The following SLC36A4 variants were observed in gnomAD, a reference collection of about 807,000 sequenced individuals.
SLC36A4 encodes the protein solute carrier family 36 member 4, also known as neutral amino acid uniporter 4.
Under a neutral mutation model 50.5 loss-of-function variants are expected in SLC36A4, and 49 were observed. The observed-to-expected ratio is 0.97, with a 90% CI of 0.77 to 1.23. The LOEUF is 1.23. SLC36A4 is among the 50% of genes most tolerant of loss of function. The probability of loss-of-function intolerance (pLI) is 0.00; values close to 1 mark genes in which losing one functional copy is unlikely to be tolerated. For missense variants in SLC36A4, 611 were observed against 608.4 expected (o/e 1.00, Z -0.05); for synonymous variants, 207 against 206.5 (o/e 1.00, Z -0.02).
chr11:93,180,962 T>C, intron 5 of SLC36A4, 81 bp from the exon 6 acceptor site: 1 of 993,212 alleles, frequency 1.0e-6, no homozygotes, highest in Non-Finnish European at 1.6e-6. Flanking sequence ...TCAAGAGTTT[T>C]AAAACATTTT....
intron 6 of SLC36A4, among the ~76,000 whole-genome samples, chr11:93,175,336 C>A (rs1482427648): frequency 4.0e-5 from 6 of 150,030 alleles, no homozygotes; most frequent in African/African-American, 7.3e-5. Context: ...ATTCTTCTCT[C>A]TTTTTTTCTT....
intron 3 of SLC36A4, among the ~76,000 whole-genome samples, chr11:93,183,105 A>T (rs7925273): frequency 0.94 from 143,494 of 152,280 alleles, 68,164 homozygotes; most frequent in East Asian, 1. Flanking sequence ...TCTTATTAAC[A>T]TAGCTACTCA....
In SLC36A4 at chr11:93,148,706, A is replaced by G; in HGVS notation, c.1346T>C (p.Met449Thr). The change falls in exon 11 of 11, where the codon ATG (methionine) becomes ACG (threonine). Residue 449 changes from methionine to threonine, a missense_variant. Met to Thr is a moderately conservative substitution (Grantham distance 81). Coordinates refer to ENST00000326402, the MANE Select transcript of SLC36A4 (RefSeq NM_152313.4). ...TFSKEHYNIW[M>T]VLKNISIAFT... Reference sequence around the variant, plus strand: ...TGCTATAGAAATATTTTTCAGGACCATCCATATATTATAATGTTCCTTCGA... The same window carrying G: ...TGCTATAGAAATATTTTTCAGGACCGTCCATATATTATAATGTTCCTTCGA... 1 of 1,612,982 alleles carries G rather than the reference A, an allele frequency of 6.2e-7. No individual in the cohort carries two copies. Among genetic ancestry groups the G allele is most frequent in the South Asian group, 1.1e-5 (1 of 91,062 alleles).
At chr11:93,167,179 A>G (rs2134658563) in intron 7 of SLC36A4, 1 of 152,310 alleles carries the variant, frequency 6.6e-6, no homozygotes, top group East Asian at 1.9e-4. Flanking sequence ...ATCCATAATA[A>G]GAATTTTTAA....
intron 1 of SLC36A4, among the ~76,000 whole-genome samples, chr11:93,189,551 C>G (rs1276989162): frequency 1.3e-5 from 2 of 152,282 alleles, no homozygotes; most frequent in Non-Finnish European, 2.9e-5. Context: ...TAAATGTACT[C>G]CACTGCCCTT....
Position 93,181,693 on chromosome 11 carries a change from C to G in SLC36A4, c.453G>C (p.Gly151=). The G allele has an allele frequency of 1.3e-6, 2 of 1,527,456 alleles. No individual in the cohort carries two copies. The highest frequency in any genetic ancestry group is 2.5e-5 in the South Asian group (2 of 79,612). The allele number at this position is 1,527,456 out of a possible 1,614,324, so 94.6% of individuals were successfully genotyped here. The change falls in exon 5 of 11, where the codon GGG becomes GGC. Residue 151 remains glycine, a splice_region_variant and synonymous_variant. Transcript: ENST00000326402. ...WSCLQKQAAW[G]RSVVDFFLVI... Reference sequence around the variant, plus strand: ...TTAATAACAGAGTAAGTACTTACCGCCCCCATGCTGCTTGCTTCTGAAGAC... The same window carrying G: ...TTAATAACAGAGTAAGTACTTACCGGCCCCATGCTGCTTGCTTCTGAAGAC...
chr11:93,177,882 C>G (rs1033750632), intron 6 of SLC36A4, among the ~76,000 whole-genome samples: 1 of 152,138 alleles, frequency 6.6e-6, no homozygotes, highest in African/African-American at 2.4e-5. Context: ...CTCGGAGAAC[C>G]ACTATTCTAT....
intron 10 of SLC36A4, among the ~76,000 whole-genome samples, chr11:93,153,500 T>G (rs1403854060): frequency 2.0e-5 from 3 of 152,042 alleles, no homozygotes; most frequent in Non-Finnish European, 4.4e-5. Flanking sequence ...GTGATAGGCT[T>G]GACTTTGAAT....
intron 1 of SLC36A4, among the ~76,000 whole-genome samples, chr11:93,188,334 G>T (rs1862076664): frequency 6.6e-6 from 1 of 152,164 alleles, no homozygotes; most frequent in Admixed American, 6.5e-5. Context: ...AGAGTAAAGT[G>T]ATGCCTTAAG....
At chr11:93,151,870 T>C (rs1374396704) in intron 10 of SLC36A4, among the ~76,000 whole-genome samples, 3 of 152,156 alleles carry the variant, frequency 2.0e-5, no homozygotes, top group East Asian at 1.9e-4. Flanking sequence ...TAATGGCTCA[T>C]AGTACAGGTT....
intron 7 of SLC36A4, chr11:93,166,535 G>T: frequency 3.1e-6 from 1 of 325,878 alleles, no homozygotes; most frequent in Non-Finnish European, 4.4e-6. Flanking sequence ...CTTACTATTT[G>T]ATTTGATGGT....
chr11:93,185,857 A>G (rs761778821), intron 1 of SLC36A4, 43 bp from the exon 2 acceptor site: 7 of 1,519,676 alleles, frequency 4.6e-6, no homozygotes, highest in Non-Finnish European at 6.1e-6. Context: ...TGCTTAAAAA[A>G]GTTGGATAAA....
chr11:93,181,804 A>G lies in SLC36A4; in HGVS notation c.360-18T>C, dbSNP rs758789305. On this transcript the variant is annotated intron_variant, in intron 4 of 10. Transcript: ENST00000326402. ...TTTTAAACCTGTAATTTAATGACAT[A>G]CATACAAAGGAAAAAAGAAAAATTT... 2.0e-6 allele frequency: 3 copies of G among 1,533,676 alleles called. No individual in the cohort carries two copies. The highest frequency in any genetic ancestry group is 2.6e-6 in the Non-Finnish European group (3 of 1,140,880).
At chr11:93,180,538 T>A (rs1327720496) in intron 6 of SLC36A4, among the ~76,000 whole-genome samples, 1 of 152,020 alleles carries the variant, frequency 6.6e-6, no homozygotes, top group Non-Finnish European at 1.5e-5. Flanking sequence ...AAGTTTCAAG[T>A]AGCTAAGAAT....
chr11:93,194,240 A>T (rs181821868), intron 1 of SLC36A4, among the ~76,000 whole-genome samples: 73 of 152,238 alleles, frequency 4.8e-4, no homozygotes, highest in South Asian at 2.9e-3. Flanking sequence ...AAAAAAATTT[A>T]AAAAAGTAGT....
chr11:93,165,894 T>A, intron 8 of SLC36A4, 24 bp downstream of exon 8: 1 of 1,421,122 alleles, frequency 7.0e-7, no homozygotes, highest in African/African-American at 1.4e-5. Context: ...TTTTAAAAAA[T>A]AATAATAAAG....
intron 4 of SLC36A4, 66 bp from the exon 5 acceptor site, chr11:93,181,852 T>C (rs1000676537): frequency 2.6e-5 from 35 of 1,324,800 alleles, no homozygotes; most frequent in Non-Finnish European, 3.5e-5. Flanking sequence ...TAAAACCACC[T>C]CTTGAAATAA....
At chr11:93,191,082 A>G in intron 1 of SLC36A4, among the ~76,000 whole-genome samples, 1 of 152,228 alleles carries the variant, frequency 6.6e-6, no homozygotes. Context: ...AAGAAGTTGC[A>G]TCTTTAAATG....
intron 9 of SLC36A4, among the ~76,000 whole-genome samples, chr11:93,156,428 CT>C (rs558072801): frequency 1.5e-4 from 21 of 136,656 alleles, no homozygotes; most frequent in Non-Finnish European, 1.4e-4. Flanking sequence ...TTTTTTTTTT[CT>C]TTTTTTTTGG....
Sources: gnomAD v4.1 joint callset for allele counts (sites outside exome capture counted in the v4.1 genomes callset) on GRCh38, gnomAD v4.1.1 for gene constraint, MANE v1.5 for transcripts, NCBI Gene and HGNC (gene_info 2026-07-23, HGNC 2026-07-21) for gene names.